Variants in GPATCH2 observed in about 807,000 individuals in gnomAD.
The protein encoded by GPATCH2 is G patch domain-containing protein 2.
Under a neutral mutation model 58.0 loss-of-function variants are expected in GPATCH2, and 51 were observed. The observed-to-expected ratio is 0.88, with a 90% confidence interval of 0.70 to 1.11. GPATCH2 has a LOEUF of 1.11. Among genes scored for constraint, GPATCH2 ranks in the 50% most tolerant of loss-of-function variants. The probability of loss-of-function intolerance (pLI) is 0.00; values close to 1 mark genes in which losing one functional copy is unlikely to be tolerated. For synonymous variants in GPATCH2, 222 were observed against 218.5 expected (o/e 1.02, Z -0.14); for missense variants, 625 against 652.2 (o/e 0.96, Z 0.45).
chr1:217,436,373 T>C (rs1341371932), intron 9 of GPATCH2, among the ~76,000 whole-genome samples: 1 of 152,178 alleles, frequency 6.6e-6, no homozygotes, highest in Non-Finnish European at 1.5e-5. Flanking sequence ...AAAAAGGAAA[T>C]TTTAATGGTC....
In GPATCH2 at chr1:217,614,256, C is replaced by T. The variant is rs150089351; in HGVS notation, c.774-54G>A. 124 of 1,031,432 alleles carry T rather than the reference C, an allele frequency of 1.2e-4. No individual in the cohort carries two copies. The East Asian group carries it at 2.6e-3, about 22-fold the overall frequency. 63.9% of individuals were successfully genotyped at this position (1,031,432 alleles called of 1,614,324 possible). ...TCAAAAGAACAATTGATCTCTCAGT[C>T]GTAAAATTTTAAAGAGACATGGCAG... is the stretch of plus-strand genomic sequence containing the variant. On this transcript the variant is annotated intron_variant, in intron 2 of 9. Transcript: ENST00000366935.
chr1:217,536,059 T>G (rs771460249), intron 5 of GPATCH2, among the ~76,000 whole-genome samples: 2 of 152,106 alleles, frequency 1.3e-5, no homozygotes, highest in African/African-American at 4.8e-5. Flanking sequence ...ATTTTAAAAT[T>G]TTATTAGTAT....
intron 5 of GPATCH2, among the ~76,000 whole-genome samples, chr1:217,532,886 G>T (rs915906435): frequency 5.0e-4 from 65 of 130,224 alleles, no homozygotes; most frequent in Middle Eastern, 4.5e-3. Context: ...TCTTTTTTTT[G>T]TTTTTTTTTT....
intron 5 of GPATCH2, among the ~76,000 whole-genome samples, chr1:217,558,799 T>C (rs1392339815): frequency 6.6e-6 from 1 of 151,968 alleles, no homozygotes; most frequent in Non-Finnish European, 1.5e-5. Flanking sequence ...TTTTAAAAAA[T>C]AAAATAATAA....
chr1:217,514,152 T>G (rs959374373), intron 6 of GPATCH2, among the ~76,000 whole-genome samples: 5 of 146,904 alleles, frequency 3.4e-5, no homozygotes, highest in African/African-American at 1.3e-4. Flanking sequence ...CAAAACAGTC[T>G]TTTACTCCTT....
At chr1:217,526,864 A>G (rs529122721) in intron 5 of GPATCH2, among the ~76,000 whole-genome samples, 1 of 152,304 alleles carries the variant, frequency 6.6e-6, no homozygotes, top group South Asian at 2.1e-4. Context: ...CAGTGGTGGC[A>G]TTTAATTCTC....
chr1:217,597,904 C>G (rs970637689), intron 5 of GPATCH2, among the ~76,000 whole-genome samples: 2 of 152,330 alleles, frequency 1.3e-5, no homozygotes, highest in African/African-American at 4.8e-5. Flanking sequence ...AGCCCTGCAT[C>G]TGCACACTAG....
chr1:217,453,938 C>T (rs965185385), intron 8 of GPATCH2, among the ~76,000 whole-genome samples: 2 of 152,116 alleles, frequency 1.3e-5, no homozygotes, highest in South Asian at 2.1e-4. Flanking sequence ...GACAAACAGA[C>T]GTGACTATGG....
intron 5 of GPATCH2, among the ~76,000 whole-genome samples, chr1:217,517,800 C>T (rs1286963418): frequency 6.6e-6 from 1 of 152,008 alleles, no homozygotes; most frequent in African/African-American, 2.4e-5. Context: ...GAAGTTGTTT[C>T]ACTTTAAATA....
chr1:217,588,610 A>G (rs552155522), intron 5 of GPATCH2, among the ~76,000 whole-genome samples: 17 of 152,192 alleles, frequency 1.1e-4, no homozygotes, highest in Admixed American at 1.1e-3. Context: ...AAATAGAGTA[A>G]AAAATAAAAT....
At chr1:217,608,033 T>C (rs1668443617) in intron 5 of GPATCH2, among the ~76,000 whole-genome samples, 1 of 152,206 alleles carries the variant, frequency 6.6e-6, no homozygotes, top group Non-Finnish European at 1.5e-5. Context: ...CCAGATGTCA[T>C]GGATACTGTG....
At chr1:217,607,797 A>G (rs1445984788) in intron 5 of GPATCH2, among the ~76,000 whole-genome samples, 1 of 152,226 alleles carries the variant, frequency 6.6e-6, no homozygotes, top group Non-Finnish European at 1.5e-5. Context: ...AAATGTTTAC[A>G]TTGATATTTC....
chr1:217,498,187 T>C, intron 7 of GPATCH2, 169 bp downstream of exon 7: 3 of 736,476 alleles, frequency 4.1e-6, no homozygotes, highest in Non-Finnish European at 7.4e-6. Flanking sequence ...TGATTAAGGA[T>C]CACGCATTTA....
intron 5 of GPATCH2, among the ~76,000 whole-genome samples, chr1:217,584,754 A>G (rs1667260218): frequency 6.6e-6 from 1 of 152,018 alleles, no homozygotes; most frequent in Admixed American, 6.6e-5. Context: ...TACTAGAAGG[A>G]AAAAAAACTT....
At chr1:217,464,743 TATGAAAACAACAGAAG>T (rs1571747946) in intron 8 of GPATCH2, among the ~76,000 whole-genome samples, 1 of 152,294 alleles carries the variant, frequency 6.6e-6, no homozygotes, top group East Asian at 1.9e-4. Context: ...TTGATTGGTT[TATGAAAACAACAGAAG>T]AGAGAGGTAT....
intron 5 of GPATCH2, among the ~76,000 whole-genome samples, chr1:217,591,755 G>A (rs552153102): frequency 2.0e-5 from 3 of 152,028 alleles, no homozygotes; most frequent in East Asian, 1.9e-4. Context: ...AGAAATCACC[G>A]AAATCTATTA....
chr1:217,543,309 GC>G, intron 5 of GPATCH2, among the ~76,000 whole-genome samples: 1 of 135,908 alleles, frequency 7.4e-6, no homozygotes, highest in East Asian at 2.4e-4. Context: ...TCGCTCTGTC[GC>G]CCAGGCTGGA....
Position 217,428,308 on chromosome 1 carries a change from ACAG to A in GPATCH2, c.*2834_*2836del, listed in dbSNP as rs1396158026. On this transcript the variant is annotated 3_prime_UTR_variant, in exon 10 of 10. Coordinates refer to ENST00000366935, the MANE Select transcript of GPATCH2 (RefSeq NM_018040.5). ...TACTGTAGAAGAGTGGCTTCACAAA[ACAG>A]CAGAAGAAATATCTTACTACCTTTT... 4 of 152,210 alleles carry A rather than the reference ACAG, an allele frequency of 2.6e-5. No individual in the cohort carries two copies. The highest frequency in any genetic ancestry group is 5.9e-5 in the Non-Finnish European group (4 of 68,022). The allele number at this position is 152,210 out of a possible 1,614,324, so 9.4% of individuals were successfully genotyped here. A position where few individuals can be genotyped will look rare whatever the true frequency, so the allele number is the denominator to read the frequency against.
intron 9 of GPATCH2, among the ~76,000 whole-genome samples, chr1:217,436,490 C>T (rs754975463): frequency 7.9e-5 from 12 of 152,144 alleles, no homozygotes; most frequent in Non-Finnish European, 1.8e-4. Flanking sequence ...TTACCTGATT[C>T]CCCTGATTCC....
Sources: gnomAD v4.1 joint callset for allele counts (sites outside exome capture counted in the v4.1 genomes callset) on GRCh38, gnomAD v4.1.1 for gene constraint, MANE v1.5 for transcripts, NCBI Gene and HGNC (gene_info 2026-07-23, HGNC 2026-07-21) for gene names.